Variants in FGFR2 observed in about 807,000 individuals in gnomAD.
The protein encoded by FGFR2 is BEK fibroblast growth factor receptor.
FGFR2 carries 19 observed loss-of-function variants against 95.9 expected under a neutral mutation model. That is an observed-to-expected ratio of 0.20 (90% CI 0.14 to 0.29). The LOEUF is 0.29. Ranked by LOEUF, FGFR2 falls within the 10% of genes least tolerant of loss-of-function variation. The pLI, the probability that FGFR2 is intolerant of heterozygous loss-of-function variation, is 1.00. For missense variants in FGFR2, 707 were observed against 1,056.9 expected, an observed-to-expected ratio of 0.67 and a Z score of 4.59; for synonymous variants, 392 against 393.3, an observed-to-expected ratio of 1.00 and a Z score of 0.04.
At chr10:121,564,906 T>C (rs1280097353) in intron 3 of FGFR2, among the ~76,000 whole-genome samples, 1 of 152,148 alleles carries the variant, frequency 6.6e-6, no homozygotes, top group Non-Finnish European at 1.5e-5. Context: ...CCAAAGACTC[T>C]TTTTCCAACA....
At chr10:121,558,579 T>C (rs972488544) in intron 4 of FGFR2, among the ~76,000 whole-genome samples, 37 of 151,832 alleles carry the variant, frequency 2.4e-4, no homozygotes, top group African/African-American at 9.0e-4. Context: ...TCAATGCATG[T>C]ACAACATGAT....
chr10:121,498,671 T>C, intron 11 of FGFR2, 66 bp from the exon 12 acceptor site: 8 of 1,326,912 alleles, frequency 6.0e-6, no homozygotes, highest in South Asian at 1.2e-5. Flanking sequence ...CTACTGTTAG[T>C]TGCCAAAGAC....
At chr10:121,550,457 C>G (rs944249688) in intron 5 of FGFR2, among the ~76,000 whole-genome samples, 1 of 152,172 alleles carries the variant, frequency 6.6e-6, no homozygotes, top group Non-Finnish European at 1.5e-5. Flanking sequence ...AGACAGCTGC[C>G]AATTTCAAAC....
chr10:121,565,701 G>A lies in FGFR2; in HGVS notation c.113C>T (p.Pro38Leu), dbSNP rs1248875226. 1 of 1,614,190 alleles carries A rather than the reference G, an allele frequency of 6.2e-7. No homozygotes were observed. Among genetic ancestry groups the A allele is most frequent in the Non-Finnish European group, 8.5e-7 (1 of 1,180,046 alleles). ...TTGAGAGATTTGGTATTTGGTTGGT[G>A]GCTCTGCAGAAAGGTGGGAGAGAGA... ...VEDTTLEPEEPPTKYQISQPE... is the reference protein window; with the variant it reads ...VEDTTLEPEELPTKYQISQPE... The change falls in exon 3 of 18, where the codon CCA (proline) becomes CTA (leucine). Residue 38 changes from proline to leucine, a missense_variant. This residue lies in a region of FGFR2 where 178 missense variants were observed against 194.1 expected (regional missense o/e 0.92). Coordinates refer to ENST00000358487, the MANE Select transcript of FGFR2 (RefSeq NM_000141.5).
Position 121,558,767 on chromosome 10 carries a change from TTAG to T in FGFR2, c.454+5732_454+5734del, listed in dbSNP as rs1856539395. 9.2e-5 allele frequency among the ~76,000 whole-genome samples: 14 copies of T among 152,094 alleles called. No individual in the cohort carries two copies. The South Asian group carries it at 2.9e-3, about 32-fold the overall frequency. ...ACCAAGCCCGGCTAATTTTTATATT[TTAG>T]TAGAGATGGAGTTTCACCATATTGG... On this transcript the variant is annotated intron_variant, in intron 4 of 17. Coordinates refer to ENST00000358487, the MANE Select transcript of FGFR2 (RefSeq NM_000141.5).
intron 6 of FGFR2, among the ~76,000 whole-genome samples, chr10:121,536,630 G>A (rs1852865584): frequency 6.6e-6 from 1 of 152,156 alleles, no homozygotes; most frequent in Non-Finnish European, 1.5e-5. Flanking sequence ...GAGATTTCAG[G>A]GCTTCACAGG....
intron 9 of FGFR2, among the ~76,000 whole-genome samples, chr10:121,509,076 A>G (rs1335687163): frequency 6.6e-6 from 1 of 152,204 alleles, no homozygotes. Context: ...CTTCTTTAGC[A>G]CTATTAAATT....
intron 4 of FGFR2, among the ~76,000 whole-genome samples, chr10:121,553,134 C>T (rs755939293): frequency 1.5e-4 from 23 of 152,252 alleles, no homozygotes; most frequent in Middle Eastern, 3.4e-3. Context: ...CTTTACAAGG[C>T]CATGCTGTAT....
chr10:121,492,317 C>T (rs1288892802), intron 13 of FGFR2, among the ~76,000 whole-genome samples: 1 of 152,160 alleles, frequency 6.6e-6, no homozygotes, highest in African/African-American at 2.4e-5. Context: ...CTCAAATACC[C>T]TATTACCTAA....
At chr10:121,539,569 A>G (rs1853384229) in intron 5 of FGFR2, among the ~76,000 whole-genome samples, 1 of 152,204 alleles carries the variant, frequency 6.6e-6, no homozygotes. Context: ...TCCTTACCAC[A>G]AAATGCAACA....
chr10:121,581,275 T>C (rs1480896088), intron 2 of FGFR2, among the ~76,000 whole-genome samples: 1 of 152,128 alleles, frequency 6.6e-6, no homozygotes, highest in Non-Finnish European at 1.5e-5. Flanking sequence ...TCCACCTCCA[T>C]CAACATCAAC....
intron 11 of FGFR2, among the ~76,000 whole-genome samples, chr10:121,499,261 T>TAA (rs1297439855): frequency 1.3e-5 from 2 of 152,154 alleles, no homozygotes. Context: ...TAGCTTCTCT[T>TAA]AGATTCTCCT....
rs1846801368 is a variant in FGFR2 at position 121,496,319 on chromosome 10, C to T, written c.1863+213G>A. Among the ~76,000 whole-genome samples, 3 of 152,304 alleles carry T rather than the reference C, an allele frequency of 2.0e-5. No homozygotes were observed. The South Asian group carries it at 6.2e-4, about 32-fold the overall frequency. Reference sequence around the variant, plus strand: ...TCTCAAAGAAGAGGTATCTTTTCTGCTCATCTCTGCAGCGATGCTATAGGT... The same window carrying T: ...TCTCAAAGAAGAGGTATCTTTTCTGTTCATCTCTGCAGCGATGCTATAGGT... On this transcript the variant is annotated intron_variant, in intron 13 of 17. Coordinates refer to ENST00000358487, the MANE Select transcript of FGFR2 (RefSeq NM_000141.5).
rs965762248 is a variant in FGFR2, at chr10:121,479,096, G to A, written c.*761C>T. On this transcript the variant is annotated 3_prime_UTR_variant, in exon 18 of 18. Transcript: ENST00000358487. ...ATTTTCCCCAAATTAGTCATATATT[G>A]TAAATATTCTCTTTTCAAAGGATCT... 3 of 232,504 alleles carry A rather than the reference G, an allele frequency of 1.3e-5. No individual in the cohort carries two copies. Among genetic ancestry groups the A allele is most frequent in the African/African-American group, 2.2e-5 (1 of 45,268 alleles). 14.4% of individuals were successfully genotyped at this position (232,504 alleles called of 1,614,324 possible).
At chr10:121,574,877 A>G (rs1369195622) in intron 2 of FGFR2, among the ~76,000 whole-genome samples, 4 of 152,274 alleles carry the variant, frequency 2.6e-5, no homozygotes, top group African/African-American at 4.8e-5. Context: ...AGTCAAAGCA[A>G]CAAACAACAG....
chr10:121,567,749 GCTTTATTAGAACA>G (rs1452153528), intron 2 of FGFR2, among the ~76,000 whole-genome samples: 1 of 152,242 alleles, frequency 6.6e-6, no homozygotes, highest in Non-Finnish European at 1.5e-5. Flanking sequence ...TGTAAACAAA[GCTTTATTAGAACA>G]CGGCCATGCC....
intron 17 of FGFR2, among the ~76,000 whole-genome samples, chr10:121,481,356 C>T (rs1417045690): frequency 6.6e-6 from 1 of 150,866 alleles, no homozygotes; most frequent in African/African-American, 2.4e-5. Flanking sequence ...CAGAAAAGAG[C>T]CCATGGAATG....
At chr10:121,538,426 T>C (rs374085122) in intron 6 of FGFR2, 166 bp downstream of exon 6, 104 of 1,060,136 alleles carry the variant, frequency 9.8e-5, no homozygotes, top group Admixed American at 1.3e-4. Flanking sequence ...AAACAGAATA[T>C]TGTCAGATGA....
chr10:121,481,130 C>A (rs1844618443), intron 17 of FGFR2, among the ~76,000 whole-genome samples: 1 of 151,842 alleles, frequency 6.6e-6, no homozygotes, highest in Admixed American at 6.6e-5. Context: ...AATATTTACT[C>A]CCTGGCCCTT....
Sources: allele counts gnomAD v4.1 joint callset (sites outside exome capture counted in the v4.1 genomes callset), GRCh38; gene constraint gnomAD v4.1.1; regional missense constraint gnomAD v4.1.1; transcripts MANE v1.5; gene names NCBI Gene and HGNC (gene_info 2026-07-23, HGNC 2026-07-21).